Variants in ZNRF1 observed in about 807,000 individuals in gnomAD.
ZNRF1 encodes the protein E3 ubiquitin-protein ligase ZNRF1.
In ZNRF1, 3 loss-of-function variants were observed where a neutral mutation model predicts 18.4. The ratio of observed to expected loss-of-function variants is 0.16; its 90% confidence interval spans 0.07 to 0.42. ZNRF1 has a LOEUF of 0.42. Among genes scored for constraint, ZNRF1 ranks in the 10% least tolerant of loss-of-function variants. The pLI, the probability that ZNRF1 is intolerant of heterozygous loss-of-function variation, is 0.99. For synonymous variants in ZNRF1, 157 were observed against 144.2 expected, an observed-to-expected ratio of 1.09 and a Z score of -0.64; for missense variants, 310 against 329.8, an observed-to-expected ratio of 0.94 and a Z score of 0.47.
intron 1 of ZNRF1, among the ~76,000 whole-genome samples, chr16:75,053,145 A>AC (rs1173296357): frequency 5.3e-5 from 8 of 152,170 alleles, no homozygotes; most frequent in Non-Finnish European, 1.2e-4. Flanking sequence ...GCTTTATCTC[A>AC]CTTCCCACCC....
At chr16:75,075,359 C>T (rs1204636373) in intron 1 of ZNRF1, among the ~76,000 whole-genome samples, 1 of 152,266 alleles carries the variant, frequency 6.6e-6, no homozygotes, top group Non-Finnish European at 1.5e-5. Context: ...TCTCTGCACC[C>T]CTTATCGGAA....
chr16:75,017,576 T>C (rs1567467143), intron 1 of ZNRF1, among the ~76,000 whole-genome samples: 1 of 152,236 alleles, frequency 6.6e-6, no homozygotes, highest in Non-Finnish European at 1.5e-5. Context: ...AAATCTATAT[T>C]GATCTGCTCC....
Position 75,003,933 on chromosome 16 carries a change from T to C in ZNRF1, c.424+3838T>C, listed in dbSNP as rs978429242. Among the ~76,000 whole-genome samples the C allele has an allele frequency of 7.9e-5, 12 of 151,880 alleles. No homozygotes were observed. The South Asian group carries it at 1.7e-3, about 21-fold the overall frequency. ...GAGTTCCTATGGGGGCACTCTCTTA[T>C]AGTTGTCTGCCTTCAATCGCCTCAG... On this transcript the variant is annotated intron_variant, in intron 1 of 4. Transcript: ENST00000335325.
intron 1 of ZNRF1, among the ~76,000 whole-genome samples, chr16:75,092,520 A>G (rs2036151759): frequency 6.6e-6 from 1 of 152,258 alleles, no homozygotes; most frequent in South Asian, 2.1e-4. Context: ...TATATGGAAA[A>G]GAATTGATCC....
At chr16:75,005,167 C>A (rs766388182) in intron 1 of ZNRF1, among the ~76,000 whole-genome samples, 1 of 152,112 alleles carries the variant, frequency 6.6e-6, no homozygotes, top group Non-Finnish European at 1.5e-5. Context: ...TGATGGGTCT[C>A]CTGCCCTGCA....
intron 1 of ZNRF1, among the ~76,000 whole-genome samples, chr16:75,001,272 T>TC (rs942992829): frequency 3.8e-4 from 57 of 151,688 alleles, no homozygotes; most frequent in East Asian, 3.3e-3. Context: ...GGTATCTCTT[T>TC]CCCCCCCCCT....
At chr16:75,009,029 G>A (rs531150151) in intron 1 of ZNRF1, among the ~76,000 whole-genome samples, 5 of 152,258 alleles carry the variant, frequency 3.3e-5, no homozygotes, top group African/African-American at 1.2e-4. Flanking sequence ...GACTCTTCAT[G>A]TGCATCTTTA....
chr16:75,002,252 C>A (rs575958305), intron 1 of ZNRF1: 1 of 152,210 alleles, frequency 6.6e-6, no homozygotes, highest in East Asian at 1.9e-4. Flanking sequence ...GATGAATCTT[C>A]GTGTGCAGCA....
At chr16:75,054,677 C>T (rs1013626356) in intron 1 of ZNRF1, among the ~76,000 whole-genome samples, 2 of 152,218 alleles carry the variant, frequency 1.3e-5, no homozygotes, top group African/African-American at 4.8e-5. Flanking sequence ...ACTTTGTTCT[C>T]CCCTGGCTGT....
chr16:75,029,537 C>T lies in ZNRF1; in HGVS notation c.424+29442C>T, dbSNP rs151028124. ...ATCCCAGCACTTTGGGAGGCTGAGG[C>T]GGGCAGATCACTTGAGGTCAGGAGT... On this transcript the variant is annotated intron_variant, in intron 1 of 4. Transcript: ENST00000335325. 6.7e-3 allele frequency among the ~76,000 whole-genome samples: 1,025 copies of T among 152,184 alleles called. 8 individuals are homozygous for T. The highest frequency in any genetic ancestry group is 0.023 in the African/African-American group (959 of 41,534).
At chr16:75,038,419 C>A (rs1435287637) in intron 1 of ZNRF1, among the ~76,000 whole-genome samples, 1 of 152,126 alleles carries the variant, frequency 6.6e-6, no homozygotes, top group African/African-American at 2.4e-5. Flanking sequence ...AGTGAGCATA[C>A]CAGGCAGCAA....
chr16:75,024,709 G>A (rs145092938), intron 1 of ZNRF1, among the ~76,000 whole-genome samples: 1,720 of 152,376 alleles, frequency 0.011, 19 homozygotes, highest in Admixed American at 0.014. Context: ...GGCTGAACTC[G>A]CACATGCTGT....
intron 1 of ZNRF1, among the ~76,000 whole-genome samples, chr16:75,007,848 T>C (rs2034942335): frequency 6.6e-6 from 1 of 152,068 alleles, no homozygotes; most frequent in Non-Finnish European, 1.5e-5. Context: ...TTCATTAGCT[T>C]TCTTTTTATT....
chr16:75,014,919 T>C (rs964619225), intron 1 of ZNRF1, among the ~76,000 whole-genome samples: 17 of 152,200 alleles, frequency 1.1e-4, no homozygotes, highest in Non-Finnish European at 2.1e-4. Context: ...TGTATTAATA[T>C]TGTATGTTTA....
At chr16:75,022,330 G>A (rs1277162868) in intron 1 of ZNRF1, among the ~76,000 whole-genome samples, 1 of 151,950 alleles carries the variant, frequency 6.6e-6, no homozygotes, top group African/African-American at 2.4e-5. Flanking sequence ...TTGGGAGGCT[G>A]TGGCGGGTGG....
chr16:75,064,513 G>A (rs1163966605), intron 1 of ZNRF1, among the ~76,000 whole-genome samples: 1 of 151,056 alleles, frequency 6.6e-6, no homozygotes, highest in African/African-American at 2.4e-5. Flanking sequence ...CCAAGATCGT[G>A]CCATTGCACT....
chr16:75,096,463 C>T (rs964014213), intron 2 of ZNRF1, among the ~76,000 whole-genome samples: 21 of 152,226 alleles, frequency 1.4e-4, no homozygotes, highest in African/African-American at 4.6e-4. Context: ...CATGATTTGT[C>T]ATCATCCCAA....
At chr16:75,062,331 A>C (rs1448229056) in intron 1 of ZNRF1, among the ~76,000 whole-genome samples, 5 of 152,230 alleles carry the variant, frequency 3.3e-5, no homozygotes, top group Non-Finnish European at 7.3e-5. Flanking sequence ...CCAGCCTCTC[A>C]AGGCATCTCT....
At chr16:75,021,228 A>G (rs2035143362) in intron 1 of ZNRF1, among the ~76,000 whole-genome samples, 1 of 150,904 alleles carries the variant, frequency 6.6e-6, no homozygotes, top group Non-Finnish European at 1.5e-5. Flanking sequence ...TTTAGTAGAG[A>G]CTCTTTCACC....
Sources: allele counts gnomAD v4.1 joint callset (sites outside exome capture counted in the v4.1 genomes callset), GRCh38; gene constraint gnomAD v4.1.1; transcripts MANE v1.5; gene names NCBI Gene and HGNC (gene_info 2026-07-23, HGNC 2026-07-21).